ATP13A3: variants seen among roughly 807,000 people sequenced by gnomAD.
The protein encoded by ATP13A3 is ATPase 13A3.
Under a neutral mutation model 158.1 loss-of-function variants are expected in ATP13A3, and 59 were observed. The ratio of observed to expected loss-of-function variants is 0.37; its 90% CI spans 0.30 to 0.46. The LOEUF is 0.46. ATP13A3 is among the 20% of genes least tolerant of loss of function. The pLI is 1.00. For synonymous variants in ATP13A3, 491 were observed against 504.3 expected (o/e 0.97, Z 0.35); for missense variants, 1,166 against 1,525.2 (o/e 0.76, Z 3.92).
chr3:194,421,732 G>A (rs913592329), intron 30 of ATP13A3, among the ~76,000 whole-genome samples: 1 of 151,560 alleles, frequency 6.6e-6, no homozygotes, highest in Non-Finnish European at 1.5e-5. Flanking sequence ...GTGGTGGTTG[G>A]AAGTATATAA....
Position 194,407,868 on chromosome 3 carries a change from T to A in ATP13A3, c.3574-1752A>T, listed in dbSNP as rs541296322. 2.6e-5 allele frequency among the ~76,000 whole-genome samples: 4 copies of A among 152,242 alleles called. No individual in the cohort carries two copies. In the East Asian group the frequency reaches 7.7e-4, roughly 29 times the overall value. On this transcript the variant is annotated intron_variant, in intron 33 of 33. Transcript: ENST00000645319. ...TCTTCAAGTGATCCAAAATAACAGA[T>A]AATGCCTTTCCAGTATAGGCACACA...
chr3:194,474,172 G>GT (rs1463006782), intron 2 of ATP13A3, among the ~76,000 whole-genome samples: 2 of 152,084 alleles, frequency 1.3e-5, no homozygotes, highest in Non-Finnish European at 1.5e-5. Flanking sequence ...AGTTTTTCGG[G>GT]TTTTTTTAAG....
At chr3:194,459,382 A>G (rs1719474112) in intron 6 of ATP13A3, 89 bp downstream of exon 6, 1 of 869,990 alleles carries the variant, frequency 1.1e-6, no homozygotes, top group South Asian at 1.6e-5. Flanking sequence ...AAACCTCAGC[A>G]ATTTTATGAA....
chr3:194,468,400 A>AC (rs1175025949), intron 2 of ATP13A3, among the ~76,000 whole-genome samples: 3 of 149,932 alleles, frequency 2.0e-5, no homozygotes, highest in Admixed American at 1.3e-4. Context: ...AAAAAAAAAA[A>AC]AAAAACAGTA....
chr3:194,406,182 GGTTT>G (rs1290743313), intron 33 of ATP13A3, 66 bp from the exon 34 acceptor site: 13 of 1,525,518 alleles, frequency 8.5e-6, no homozygotes, highest in Middle Eastern at 3.4e-4. Context: ...GTTTTAAACA[GGTTT>G]GTTAAAGCAC....
intron 2 of ATP13A3, among the ~76,000 whole-genome samples, chr3:194,481,339 T>C (rs1166859057): frequency 2.6e-5 from 4 of 151,662 alleles, no homozygotes; most frequent in Non-Finnish European, 5.9e-5. Context: ...TTTCAAGAAG[T>C]CTGTCAAGCA....
chr3:194,431,203 A>C lies in ATP13A3; in HGVS notation c.2445T>G (p.His815Gln). 1 of 1,613,612 alleles carries C rather than the reference A, an allele frequency of 6.2e-7. No homozygotes were observed. The highest frequency in any genetic ancestry group is 8.5e-7 in the Non-Finnish European group (1 of 1,179,540). Residue 815 changes from histidine (H) to glutamine (Q), a missense_variant, in exon 23 of 34, where the codon CAT (histidine) becomes CAG (glutamine). Transcript: ENST00000645319. ...TCATTTGAAGATCCTCTAAGCTATC[A>C]TGGACCAATTTAACCGGAATAGCCT... ...DPEAIPVKLVHDSLEDLQMTR... is the reference protein window; with the variant it reads ...DPEAIPVKLVQDSLEDLQMTR...
upstream of ATP13A3, among the ~76,000 whole-genome samples, chr3:194,491,805 T>A (rs1257512891): frequency 8.0e-6 from 1 of 125,728 alleles, no homozygotes; most frequent in African/African-American, 3.2e-5. Context: ...CCCCCTCATC[T>A]CTCACCTGGC....
At chr3:194,451,469 G>A (rs1397187165) in intron 10 of ATP13A3, 1 of 152,188 alleles carries the variant, frequency 6.6e-6, no homozygotes, top group South Asian at 2.1e-4. Context: ...AAGTTGAATG[G>A]TATGTCTGCC....
At chr3:194,449,214 G>C (rs1280492997) in intron 11 of ATP13A3, among the ~76,000 whole-genome samples, 1 of 152,056 alleles carries the variant, frequency 6.6e-6, no homozygotes, top group Non-Finnish European at 1.5e-5. Flanking sequence ...CACATTTCTT[G>C]CTTCAAAGAA....
intron 32 of ATP13A3, 187 bp from the exon 33 acceptor site, chr3:194,412,475 C>T: frequency 1.8e-6 from 1 of 549,662 alleles, no homozygotes; most frequent in Non-Finnish European, 3.2e-6. Flanking sequence ...AAATACAAAT[C>T]ATCATAAAAT....
chr3:194,430,241 C>T, intron 25 of ATP13A3, 32 bp downstream of exon 25: 1 of 1,613,446 alleles, frequency 6.2e-7, no homozygotes, highest in Non-Finnish European at 8.5e-7. Flanking sequence ...AGAGTAAGAA[C>T]TATAAAACTA....
At chr3:194,489,978 T>C (rs1193568817), upstream of ATP13A3, among the ~76,000 whole-genome samples, 1 of 152,182 alleles carries the variant, frequency 6.6e-6, no homozygotes, top group African/African-American at 2.4e-5. This position sits in a 1 kb window ranked among gnomAD's most constrained non-coding sequence, Gnocchi z 4.1. Flanking sequence ...CCAAGCCCAC[T>C]GCTTCCCCCC....
intron 8 of ATP13A3, among the ~76,000 whole-genome samples, chr3:194,455,589 C>T (rs956339387): frequency 3.3e-5 from 5 of 152,164 alleles, no homozygotes; most frequent in African/African-American, 1.2e-4. Flanking sequence ...ACTTCTACTC[C>T]TAAAAGTGTT....
chr3:194,487,753 T>C (rs1439591153), upstream of ATP13A3: 1 of 152,282 alleles, frequency 6.6e-6, no homozygotes, highest in Non-Finnish European at 1.5e-5. Flanking sequence ...CCCGGCCACC[T>C]GCAGCCTCTG....
intron 31 of ATP13A3, among the ~76,000 whole-genome samples, chr3:194,417,445 A>ACACACACACACACACACAC (rs1560072213): frequency 2.0e-5 from 3 of 148,830 alleles, no homozygotes; most frequent in East Asian, 2.0e-4. Flanking sequence ...ACACACACAC[A>ACACACACACACACACACAC]AAAGGAGGAA....
intron 17 of ATP13A3, among the ~76,000 whole-genome samples, chr3:194,438,028 C>T (rs1271849808): frequency 3.3e-5 from 5 of 152,020 alleles, no homozygotes; most frequent in African/African-American, 9.7e-5. Context: ...GGTGTGGTGG[C>T]GTGCGCCTGT....
chr3:194,426,872 G>C (rs955433824), intron 29 of ATP13A3, among the ~76,000 whole-genome samples: 17 of 152,018 alleles, frequency 1.1e-4, no homozygotes, highest in Admixed American at 1.0e-3. Flanking sequence ...ATGTTAACCA[G>C]GCTGGTCTCG....
chr3:194,463,111 C>T (rs983099553), intron 2 of ATP13A3, among the ~76,000 whole-genome samples: 7 of 152,180 alleles, frequency 4.6e-5, no homozygotes, highest in African/African-American at 1.7e-4. Context: ...GCACCAATTA[C>T]ATAAATGGCA....
Sources: allele counts gnomAD v4.1 joint callset (sites outside exome capture counted in the v4.1 genomes callset), GRCh38; gene constraint gnomAD v4.1.1; non-coding constraint Gnocchi (gnomAD v3.1); transcripts MANE v1.5; gene names NCBI Gene and HGNC (gene_info 2026-07-23, HGNC 2026-07-21).